GRM7: variants seen among roughly 807,000 people sequenced by gnomAD.
The protein encoded by GRM7 is metabotropic glutamate receptor 7.
A neutral mutation model predicts 84.5 loss-of-function variants in GRM7; 35 were observed. The ratio of observed to expected loss-of-function variants is 0.41; its 90% CI spans 0.32 to 0.55. The LOEUF (loss-of-function observed/expected upper bound fraction) is 0.55. GRM7 is among the 20% of genes least tolerant of loss of function. GRM7 has a pLI of 0.19. For missense variants in GRM7, 1,003 were observed against 1,194.6 expected (o/e 0.84, Z 2.36); for synonymous variants, 487 against 455.1 (o/e 1.07, Z -0.89).
intron 4 of GRM7, among the ~76,000 whole-genome samples, chr3:7,379,286 G>GTTGCCCAGC (rs1363095635): frequency 6.6e-6 from 1 of 151,996 alleles, no homozygotes; most frequent in Non-Finnish European, 1.5e-5. Flanking sequence ...TGTTGCCCAG[G>GTTGCCCAGC]TTGCCCAGCT....
chr3:6,939,202 C>CA (rs1044438547), intron 1 of GRM7, among the ~76,000 whole-genome samples: 25 of 151,638 alleles, frequency 1.6e-4, no homozygotes, highest in African/African-American at 5.6e-4. Context: ...CATATAGAAC[C>CA]AAAAAAACAA....
intron 7 of GRM7, among the ~76,000 whole-genome samples, chr3:7,572,864 ATATATATATATAT>A (rs1694765398): frequency 3.9e-5 from 2 of 51,686 alleles, no homozygotes; most frequent in African/African-American, 1.3e-4. Flanking sequence ...ATATATATAT[ATATATATATATAT>A]ATAAATAATC....
At chr3:7,516,371 G>T (rs1475859700) in intron 7 of GRM7, among the ~76,000 whole-genome samples, 4 of 149,408 alleles carry the variant, frequency 2.7e-5, no homozygotes, top group Non-Finnish European at 5.9e-5. Flanking sequence ...CAGCTACTTG[G>T]GGGGCTGAGG....
At chr3:7,511,271 AG>A (rs1209338081) in intron 7 of GRM7, among the ~76,000 whole-genome samples, 1 of 152,188 alleles carries the variant, frequency 6.6e-6, no homozygotes, top group African/African-American at 2.4e-5. Flanking sequence ...CTAGAAACTT[AG>A]AAAAAGGGAC....
chr3:7,567,747 CAAAAAAAAAAAAAAAAAAAAAAA>C (rs1176146756), intron 7 of GRM7, among the ~76,000 whole-genome samples: 6 of 45,786 alleles, frequency 1.3e-4, no homozygotes, highest in East Asian at 7.2e-4. Flanking sequence ...GACTCCATCT[CAAAAAAAAAAAAAAAAAAAAAAA>C]AAAAAAAAAA....
chr3:7,267,225 A>G (rs964069360), intron 2 of GRM7, among the ~76,000 whole-genome samples: 12 of 152,234 alleles, frequency 7.9e-5, no homozygotes, highest in Non-Finnish European at 4.4e-5. Context: ...AAAGTGTTAT[A>G]TATTTTGGCA....
intron 5 of GRM7, among the ~76,000 whole-genome samples, chr3:7,443,253 C>T (rs769443178): frequency 6.6e-6 from 1 of 152,020 alleles, no homozygotes; most frequent in Non-Finnish European, 1.5e-5. Flanking sequence ...TTTTCCTCAC[C>T]ATTGGCCAAT....
chr3:7,452,744 C>A lies in GRM7; in HGVS notation c.1312C>A (p.Pro438Thr), dbSNP rs770141077. The A allele has an allele frequency of 1.9e-6, 3 of 1,612,756 alleles. No individual in the cohort carries two copies. Among genetic ancestry groups the A allele is most frequent in the East Asian group, 4.5e-5 (2 of 44,850 alleles). ...DLCADYRGVCPEMEQAGGKKL... is the reference protein window; with the variant it reads ...DLCADYRGVCTEMEQAGGKKL... ...CTGTGCTGACTACCGGGGTGTCTGC[C>A]CAGAGATGGAGCAAGCTGGAGGCAA... The change falls in exon 6 of 10, where the codon CCA becomes ACA. Residue 438 changes from proline to threonine, a missense_variant. Physicochemically the swap from Pro to Thr is conservative, Grantham distance 38 (BLOSUM62 -1). Around this residue, in one of 2 missense-constraint regions of GRM7, gnomAD observed 910 missense variants for 1,126.0 expected, o/e 0.81. Coordinates refer to ENST00000357716, the MANE Select transcript of GRM7 (RefSeq NM_000844.4).
intron 1 of GRM7, among the ~76,000 whole-genome samples, chr3:6,895,690 G>A (rs756264308): frequency 4.6e-5 from 7 of 152,094 alleles, no homozygotes; most frequent in African/African-American, 1.7e-4. Context: ...TAATCAGATT[G>A]ATCAGGCCAT....
At chr3:6,869,426 A>T (rs62237231) in intron 1 of GRM7, among the ~76,000 whole-genome samples, 6,128 of 152,290 alleles carry the variant, frequency 0.04, 172 homozygotes, top group Non-Finnish European at 0.058. Flanking sequence ...TATCAGATGG[A>T]CATTAAGTGT....
chr3:7,541,442 T>C (rs1692878964), intron 7 of GRM7, among the ~76,000 whole-genome samples: 1 of 152,154 alleles, frequency 6.6e-6, no homozygotes, highest in Non-Finnish European at 1.5e-5. Context: ...TCATTTTTAT[T>C]AGATGTGAAT....
At chr3:7,597,475 C>A (rs187481834) in intron 8 of GRM7, among the ~76,000 whole-genome samples, 14 of 152,262 alleles carry the variant, frequency 9.2e-5, no homozygotes, top group African/African-American at 3.4e-4. Context: ...CAAAAACCGG[C>A]TATAAATTGC....
intron 1 of GRM7, among the ~76,000 whole-genome samples, chr3:7,061,497 T>G (rs1303136301): frequency 6.6e-6 from 1 of 151,758 alleles, no homozygotes; most frequent in East Asian, 1.9e-4. Flanking sequence ...CGGAGTTGAC[T>G]GTTTGTAGCC....
At chr3:7,484,706 T>A (rs1699258445) in intron 7 of GRM7, among the ~76,000 whole-genome samples, 1 of 152,210 alleles carries the variant, frequency 6.6e-6, no homozygotes, top group South Asian at 2.1e-4. Context: ...AGTATGTGTG[T>A]ATAATTTCCT....
At chr3:7,431,406 G>GT (rs1696825084) in intron 5 of GRM7, among the ~76,000 whole-genome samples, 1 of 152,114 alleles carries the variant, frequency 6.6e-6, no homozygotes, top group Non-Finnish European at 1.5e-5. Flanking sequence ...TTCCTTCTTA[G>GT]TGGGGGGAGA....
chr3:7,069,536 A>T (rs1229961706), intron 1 of GRM7, among the ~76,000 whole-genome samples: 1 of 152,112 alleles, frequency 6.6e-6, no homozygotes, highest in African/African-American at 2.4e-5. Context: ...TGGAGGGGAA[A>T]AGGGAGAATA....
intron 1 of GRM7, among the ~76,000 whole-genome samples, chr3:6,938,415 T>A (rs1329670748): frequency 6.6e-6 from 1 of 152,186 alleles, no homozygotes; most frequent in Non-Finnish European, 1.5e-5. Context: ...CACTGCTCTG[T>A]CTCCCACTGA....
At chr3:7,392,257 C>G (rs986957474) in intron 4 of GRM7, among the ~76,000 whole-genome samples, 5 of 152,190 alleles carry the variant, frequency 3.3e-5, no homozygotes, top group Non-Finnish European at 5.9e-5. Context: ...AAAGCTGTCT[C>G]TGGCTGCATG....
intron 4 of GRM7, among the ~76,000 whole-genome samples, chr3:7,383,366 A>C (rs1213781963): frequency 6.6e-6 from 1 of 152,192 alleles, no homozygotes; most frequent in Non-Finnish European, 1.5e-5. Context: ...GGGGATGGAC[A>C]TAAAGATGGT....
Sources: gnomAD v4.1 joint callset for allele counts (sites outside exome capture counted in the v4.1 genomes callset) on GRCh38, gnomAD v4.1.1 for gene constraint, gnomAD v4.1.1 regional missense constraint, MANE v1.5 for transcripts, NCBI Gene and HGNC (gene_info 2026-07-23, HGNC 2026-07-21) for gene names.